The following C11orf65 variants were observed in gnomAD, a reference collection of about 807,000 sequenced individuals.
C11orf65 encodes the protein protein MFI.
A neutral mutation model predicts 35.3 loss-of-function variants in C11orf65; 38 were observed. That is an observed-to-expected ratio of 1.08 (90% CI 0.83 to 1.41). C11orf65 has a LOEUF of 1.41. Ranked by LOEUF, C11orf65 falls within the 40% of genes most tolerant of loss-of-function variation. The pLI is 0.00. For synonymous variants in C11orf65, 105 were observed against 114.4 expected, an observed-to-expected ratio of 0.92 and a Z score of 0.53; for missense variants, 370 against 367.1, an observed-to-expected ratio of 1.01 and a Z score of -0.06.
chr11:108,373,134 G>A (rs770061520), intron 2 of C11orf65, among the ~76,000 whole-genome samples: 3 of 151,976 alleles, frequency 2.0e-5, no homozygotes, highest in Non-Finnish European at 2.9e-5. Flanking sequence ...CATGAACATT[G>A]ATGTAAAAAT....
intron 2 of C11orf65, among the ~76,000 whole-genome samples, chr11:108,360,273 G>GA (rs1555147852): frequency 6.7e-6 from 1 of 149,942 alleles, no homozygotes; most frequent in Non-Finnish European, 1.5e-5. Flanking sequence ...GAATAGACCA[G>GA]TAACAGGAGC....
intron 3 of C11orf65, among the ~76,000 whole-genome samples, chr11:108,430,448 T>C (rs2092970750): frequency 6.6e-6 from 1 of 151,796 alleles, no homozygotes; most frequent in Admixed American, 6.6e-5. Flanking sequence ...CTGAACTGTA[T>C]TCTTAAAAAT....
At chr11:108,391,415 C>T (rs1201651880) in intron 7 of C11orf65, among the ~76,000 whole-genome samples, 1 of 152,076 alleles carries the variant, frequency 6.6e-6, no homozygotes, top group Non-Finnish European at 1.5e-5. Context: ...GAGTTTCACT[C>T]GTTGCCCAGG....
intron 2 of C11orf65, among the ~76,000 whole-genome samples, chr11:108,446,619 G>T (rs1428749680): frequency 6.6e-6 from 1 of 152,042 alleles, no homozygotes; most frequent in Admixed American, 6.6e-5. Flanking sequence ...CCCTAAAAGA[G>T]CTCCTGAAGG....
chr11:108,321,570 G>T (rs1405179014), intron 6 of C11orf65: 2 of 1,193,890 alleles, frequency 1.7e-6, no homozygotes, highest in Non-Finnish European at 2.4e-6. Flanking sequence ...ATCACTTGAG[G>T]TCAGGAGTTC....
intron 2 of C11orf65, among the ~76,000 whole-genome samples, chr11:108,458,376 AAAG>A (rs2093432683): frequency 6.6e-6 from 1 of 151,158 alleles, no homozygotes; most frequent in East Asian, 1.9e-4. Flanking sequence ...AAAAAAAAAA[AAAG>A]AGGTGGTTGG....
chr11:108,388,933 C>T (rs547623608), intron 7 of C11orf65, among the ~76,000 whole-genome samples: 22 of 152,308 alleles, frequency 1.4e-4, no homozygotes, highest in African/African-American at 5.3e-4. Flanking sequence ...ATGATAATAA[C>T]AATGTTCGGT....
At chr11:108,365,069 T>C in intron 2 of C11orf65, 1 of 1,613,520 alleles carries the variant, frequency 6.2e-7, no homozygotes, top group Non-Finnish European at 8.5e-7. Context: ...ATACATATGT[T>C]CTCTCTGTTT....
At position 108,312,435 on chromosome 11, in the gene C11orf65, C is replaced by T. The variant is rs769252226; in HGVS notation, c.641-3364G>A. 2 of 1,596,180 alleles carry T rather than the reference C, an allele frequency of 1.3e-6. No homozygotes were observed. Among genetic ancestry groups the T allele is most frequent in the South Asian group, 2.2e-5 (2 of 90,700 alleles). On this transcript the variant is annotated intron_variant, in intron 6 of 6. Coordinates refer to the C11orf65 transcript ENST00000525729. ...GAAGTCTTGCATTTGAAGAAGGAAG[C>T]CAGAGTACAACTATTTCTAGCTTGA...
intron 2 of C11orf65, among the ~76,000 whole-genome samples, chr11:108,349,466 C>T (rs1043978711): frequency 4.6e-5 from 7 of 152,082 alleles, no homozygotes; most frequent in Admixed American, 3.3e-4. Context: ...AGATTGAGAC[C>T]ATCCTGGCCA....
intron 2 of C11orf65, among the ~76,000 whole-genome samples, chr11:108,434,159 C>CA (rs1215501355): frequency 1.3e-5 from 2 of 152,112 alleles, no homozygotes; most frequent in African/African-American, 2.4e-5. Flanking sequence ...TCCCCCTAGC[C>CA]ACTGCTATCC....
chr11:108,335,337 AC>A (rs2086720739), intron 2 of C11orf65: 7 of 1,381,566 alleles, frequency 5.1e-6, no homozygotes, highest in Non-Finnish European at 6.8e-6. Flanking sequence ...GTAAAAGAAT[AC>A]CATTAACATG....
At chr11:108,450,222 C>T (rs747126263) in intron 2 of C11orf65, among the ~76,000 whole-genome samples, 14 of 152,016 alleles carry the variant, frequency 9.2e-5, no homozygotes, top group South Asian at 2.1e-4. Context: ...GAAGTCAGCA[C>T]GGCAATTCCT....
intron 3 of C11orf65, among the ~76,000 whole-genome samples, chr11:108,417,662 T>A (rs1204300216): frequency 1.3e-5 from 2 of 151,562 alleles, no homozygotes; most frequent in East Asian, 3.9e-4. Context: ...ACCATGCAAA[T>A]AAGAGACAGT....
chr11:108,414,964 T>C (rs2092709546), intron 3 of C11orf65, among the ~76,000 whole-genome samples: 1 of 152,098 alleles, frequency 6.6e-6, no homozygotes, highest in African/African-American at 2.4e-5. Context: ...AGAAAAAGCA[T>C]TTGACAAAAT....
intron 3 of C11orf65, chr11:108,333,842 T>C (rs2136607539): frequency 6.9e-7 from 1 of 1,450,126 alleles, no homozygotes; most frequent in Non-Finnish European, 9.7e-7. Context: ...CCTTCAATGC[T>C]GTTCCTCAGT....
rs773994431 is a variant in C11orf65, at chr11:108,365,090, A to G, written c.226+28118T>C. 5 of 1,613,986 alleles carry G rather than the reference A, an allele frequency of 3.1e-6. No homozygotes were observed. Among genetic ancestry groups the G allele is most frequent in the East Asian group, 2.2e-5 (1 of 44,896 alleles). On this transcript the variant is annotated intron_variant, in intron 2 of 3. Transcript: ENST00000524755. ...ATGTTCTCTCTGTTTAGGTCCTTCT[A>G]TATGATCCACTCTTTGACTGGACCA... is the stretch of plus-strand genomic sequence containing the variant.
At chr11:108,351,118 A>G (rs1004471952) in intron 2 of C11orf65, among the ~76,000 whole-genome samples, 4 of 152,228 alleles carry the variant, frequency 2.6e-5, no homozygotes, top group Non-Finnish European at 4.4e-5. Flanking sequence ...GACTCTCACA[A>G]ATATAATGCT....
chr11:108,394,750 G>A (rs991660904), intron 6 of C11orf65, among the ~76,000 whole-genome samples: 4 of 152,120 alleles, frequency 2.6e-5, no homozygotes, highest in Non-Finnish European at 4.4e-5. Flanking sequence ...CTCTGGTATC[G>A]AATTATCTGG....
Sources: allele counts gnomAD v4.1 joint callset (sites outside exome capture counted in the v4.1 genomes callset), GRCh38; gene constraint gnomAD v4.1.1; transcripts MANE v1.5; gene names NCBI Gene and HGNC (gene_info 2026-07-23, HGNC 2026-07-21).